PELI1: variants seen among roughly 807,000 people sequenced by gnomAD.
The protein encoded by PELI1 is E3 ubiquitin-protein ligase pellino homolog 1.
Under a neutral mutation model 41.3 loss-of-function variants are expected in PELI1, and 15 were observed. The ratio of observed to expected loss-of-function variants is 0.36; its 90% CI spans 0.24 to 0.56. The LOEUF is 0.56. PELI1 is among the 20% of genes least tolerant of loss of function. The pLI is 0.82. For missense variants in PELI1, 403 were observed against 525.5 expected, an observed-to-expected ratio of 0.77 and a Z score of 2.28; for synonymous variants, 178 against 180.1, an observed-to-expected ratio of 0.99 and a Z score of 0.09.
At chr2:64,133,501 T>C (rs1027563223) in intron 1 of PELI1, among the ~76,000 whole-genome samples, 1 of 152,066 alleles carries the variant, frequency 6.6e-6, no homozygotes, top group Admixed American at 6.6e-5. Context: ...TGAAACTGGT[T>C]TGGGATACAG....
In PELI1 at chr2:64,096,537, T is replaced by C. The variant is rs1680243495; in HGVS notation, c.377A>G (p.Asp126Gly). Reference sequence around the variant, plus strand: ...TATAGTGCTTTGTACTGACTGTGTATCAGAATTACTTTGACTTCCAGGAAC... The same window carrying C: ...TATAGTGCTTTGTACTGACTGTGTACCAGAATTACTTTGACTTCCAGGAAC... The part of the protein sequence containing the change: ...DTVPGSQSNS[D>G]TQSVQSTISR... Residue 126 changes from aspartate to glycine, a missense_variant, in exon 5 of 7, where the codon GAT becomes GGT. Transcript: ENST00000358912. 1.2e-6 allele frequency: 2 copies of C among 1,611,642 alleles called. No homozygotes were observed. Among genetic ancestry groups the C allele is most frequent in the Non-Finnish European group, 1.7e-6 (2 of 1,177,832 alleles).
At chr2:64,116,134 C>T (rs963351920) in intron 1 of PELI1, among the ~76,000 whole-genome samples, 1 of 152,168 alleles carries the variant, frequency 6.6e-6, no homozygotes, top group Non-Finnish European at 1.5e-5. Flanking sequence ...TAGGAACAGA[C>T]AGGGTCACGT....
At position 64,096,604 on chromosome 2, in the gene PELI1, G is replaced by A; in HGVS notation, c.310C>T (p.Arg104Trp). The change falls in exon 5 of 7, where the codon CGG becomes TGG. Residue 104 changes from arginine (R) to tryptophan (W), a missense_variant. Transcript: ENST00000358912. ...DSNTDMFQIGRSTESPIDFVV... is the reference protein window; with the variant it reads ...DSNTDMFQIGWSTESPIDFVV... ...AAATCAATGGGGCTTTCAGTCGACC[G>A]GCCAATCTGAGGGAAAAAAAAAAAT... The A allele has an allele frequency of 2.5e-6, 4 of 1,608,250 alleles. No individual in the cohort carries two copies. Among genetic ancestry groups the A allele is most frequent in the Non-Finnish European group, 2.5e-6 (3 of 1,176,498 alleles).
intron 1 of PELI1, among the ~76,000 whole-genome samples, chr2:64,112,963 C>G (rs1680854334): frequency 6.6e-6 from 1 of 151,888 alleles, no homozygotes; most frequent in African/African-American, 2.4e-5. Context: ...ATTTTAAAAT[C>G]TGAGTAAAAG....
chr2:64,104,326 A>T (rs1680545653), intron 3 of PELI1, among the ~76,000 whole-genome samples: 1 of 152,164 alleles, frequency 6.6e-6, no homozygotes, highest in Non-Finnish European at 1.5e-5. Flanking sequence ...TATACATCAC[A>T]TTCTTCATCC....
chr2:64,142,515 G>A (rs1056484151), intron 1 of PELI1, among the ~76,000 whole-genome samples: 6 of 152,044 alleles, frequency 3.9e-5, no homozygotes, highest in Admixed American at 2.0e-4. Context: ...GTATGGTACC[G>A]AAGAAATAAA....
intron 1 of PELI1, among the ~76,000 whole-genome samples, chr2:64,110,784 G>T (rs1680785089): frequency 2.0e-5 from 3 of 152,046 alleles, no homozygotes; most frequent in Admixed American, 6.5e-5. Flanking sequence ...AAAATTAGCA[G>T]GGCGTGGTGG....
chr2:64,124,944 C>T (rs1681337503), intron 1 of PELI1, among the ~76,000 whole-genome samples: 1 of 152,168 alleles, frequency 6.6e-6, no homozygotes, highest in Non-Finnish European at 1.5e-5. Flanking sequence ...TTCCCACAAC[C>T]CCCTCCTCAG....
chr2:64,101,879 G>A (rs1484771787), intron 3 of PELI1, among the ~76,000 whole-genome samples: 3 of 139,402 alleles, frequency 2.2e-5, no homozygotes, highest in Non-Finnish European at 3.0e-5. Context: ...CTAGGTTGCA[G>A]TGCAGTGGTG....
At position 64,094,372 on chromosome 2, in the gene PELI1, AC is replaced by A. The variant is rs1680152693; in HGVS notation, c.*329del. 1 of 209,060 alleles carries A rather than the reference AC, an allele frequency of 4.8e-6. No individual in the cohort carries two copies. The highest frequency in any genetic ancestry group is 9.7e-6 in the Non-Finnish European group (1 of 103,518). The allele number at this position is 209,060 out of a possible 1,614,324, so 13.0% of individuals were successfully genotyped here. A position where few individuals can be genotyped will look rare whatever the true frequency, so the allele number is the denominator to read the frequency against. ...AACTAACATAGTTTGAACCAACAGT[AC>A]CCTCAGTTATACAAAACAATTTCAG... On this transcript the variant is annotated 3_prime_UTR_variant, in exon 7 of 7. Coordinates refer to ENST00000358912, the MANE Select transcript of PELI1 (RefSeq NM_020651.4).
chr2:64,102,535 C>T (rs530080678), intron 3 of PELI1, among the ~76,000 whole-genome samples: 5 of 152,186 alleles, frequency 3.3e-5, no homozygotes, highest in African/African-American at 7.2e-5. Flanking sequence ...CACTGTGCCC[C>T]GTTAAACAGC....
At chr2:64,128,765 TCTC>T (rs1412710715) in intron 1 of PELI1, among the ~76,000 whole-genome samples, 1 of 152,176 alleles carries the variant, frequency 6.6e-6, no homozygotes, top group Non-Finnish European at 1.5e-5. Context: ...TCAGCAAGGA[TCTC>T]CTCTATTAAT....
At chr2:64,131,853 T>G (rs770464564) in intron 1 of PELI1, among the ~76,000 whole-genome samples, 5 of 152,072 alleles carry the variant, frequency 3.3e-5, no homozygotes, top group Non-Finnish European at 5.9e-5. Flanking sequence ...ACTCCTGACC[T>G]CAAATGATCC....
At position 64,141,345 on chromosome 2, in the gene PELI1, T is replaced by G. The variant is rs569728753; in HGVS notation, c.-70+2736A>C. Among the ~76,000 whole-genome samples the G allele has an allele frequency of 5.8e-5, 7 of 120,828 alleles. No homozygotes were observed. In the East Asian group the frequency reaches 2.0e-3, roughly 35 times the overall value. 79.3% of individuals were successfully genotyped at this position (120,828 alleles called of 152,430 possible). ...AGCTCCTAAAGCCACCTCAGTGCCATCATATATTAGTCATTATGAAATTTT... is the reference window on the plus strand; with the variant it reads ...AGCTCCTAAAGCCACCTCAGTGCCAGCATATATTAGTCATTATGAAATTTT... On this transcript the variant is annotated intron_variant, in intron 1 of 6. Transcript: ENST00000358912.
At chr2:64,131,533 T>C (rs958684248) in intron 1 of PELI1, among the ~76,000 whole-genome samples, 1 of 152,064 alleles carries the variant, frequency 6.6e-6, no homozygotes, top group Non-Finnish European at 1.5e-5. Flanking sequence ...ATTCCATGGA[T>C]ACAGAAGGCC....
intron 1 of PELI1, among the ~76,000 whole-genome samples, chr2:64,117,505 T>TAA (rs1440770254): frequency 7.9e-5 from 12 of 152,270 alleles, no homozygotes; most frequent in South Asian, 6.2e-4. Context: ...AAATAGAGCA[T>TAA]ATATTCTCTG....
chr2:64,137,498 T>C (rs6733160), intron 1 of PELI1, among the ~76,000 whole-genome samples: 97,483 of 151,978 alleles, frequency 0.64, 33,523 homozygotes, highest in African/African-American at 0.88. Context: ...TGTGTGTGTG[T>C]GCGCATTTTG....
intron 1 of PELI1, among the ~76,000 whole-genome samples, chr2:64,142,410 T>C (rs1232848180): frequency 6.6e-6 from 1 of 152,176 alleles, no homozygotes. Flanking sequence ...TTAGAGTAAG[T>C]GAAACTATTC....
At position 64,142,804 on chromosome 2, in the gene PELI1, A is replaced by C. The variant is rs549102600; in HGVS notation, c.-70+1277T>G. On this transcript the variant is annotated intron_variant, in intron 1 of 6. Transcript: ENST00000358912. ...TTAATAATAAATTCATTTATCCTTA[A>C]GTGTAAGAGTAATACATATTCGACA... Among the ~76,000 whole-genome samples the C allele has an allele frequency of 8.5e-5, 13 of 152,334 alleles. No homozygotes were observed. The East Asian group carries it at 2.5e-3, about 29-fold the overall frequency.
Sources: allele counts gnomAD v4.1 joint callset (sites outside exome capture counted in the v4.1 genomes callset), GRCh38; gene constraint gnomAD v4.1.1; transcripts MANE v1.5; gene names NCBI Gene and HGNC (gene_info 2026-07-23, HGNC 2026-07-21).